TCERG1L: variants seen among roughly 807,000 people sequenced by gnomAD.
TCERG1L encodes transcription elongation regulator 1-like protein.
Under a neutral mutation model 56.3 loss-of-function variants are expected in TCERG1L, and 37 were observed. The ratio of observed to expected loss-of-function variants is 0.66; its 90% CI spans 0.51 to 0.87. The LOEUF (loss-of-function observed/expected upper bound fraction) is 0.87. TCERG1L is among the 40% of genes least tolerant of loss of function. The probability of loss-of-function intolerance (pLI) is 0.00; values close to 1 mark genes in which losing one functional copy is unlikely to be tolerated. For missense variants in TCERG1L, 799 were observed against 774.2 expected (o/e 1.03, Z -0.38); for synonymous variants, 324 against 326.3 (o/e 0.99, Z 0.08).
chr10:131,290,544 T>C (rs1283724326), intron 3 of TCERG1L, among the ~76,000 whole-genome samples: 1 of 150,002 alleles, frequency 6.7e-6, no homozygotes, highest in Non-Finnish European at 1.5e-5. Context: ...GACAGGAGAA[T>C]TGCTTGAACC....
intron 11 of TCERG1L, chr10:131,095,170 T>TAACCCCACCGGGTGTC (rs1845228582): frequency 6.7e-6 from 1 of 149,608 alleles, no homozygotes; most frequent in Non-Finnish European, 1.5e-5. Context: ...ACTGGGCGGC[T>TAACCCCACCGGGTGTC]AACCCCACCG....
At chr10:131,102,257 T>C (rs1422922752) in intron 10 of TCERG1L, among the ~76,000 whole-genome samples, 2 of 152,208 alleles carry the variant, frequency 1.3e-5, no homozygotes, top group Admixed American at 6.5e-5. Flanking sequence ...AAGTTCTGTA[T>C]TCCAAGGCAG....
chr10:131,124,165 C>T (rs888573041), intron 8 of TCERG1L, among the ~76,000 whole-genome samples: 2 of 152,188 alleles, frequency 1.3e-5, no homozygotes, highest in Admixed American at 6.5e-5. Context: ...CAGGGTTGGA[C>T]CATCCCAGAG....
intron 4 of TCERG1L, among the ~76,000 whole-genome samples, chr10:131,179,028 T>A (rs1021603994): frequency 4.6e-5 from 7 of 152,084 alleles, no homozygotes; most frequent in African/African-American, 1.7e-4. Context: ...CAGCCCAGCC[T>A]CCAGCCCCTC....
At chr10:131,255,365 A>T (rs535189183) in intron 4 of TCERG1L, among the ~76,000 whole-genome samples, 2 of 152,380 alleles carry the variant, frequency 1.3e-5, no homozygotes, top group Admixed American at 1.3e-4. Flanking sequence ...ATGTGAAATT[A>T]ACAAAAACTA....
chr10:131,297,112 G>A (rs1048870291), intron 3 of TCERG1L, among the ~76,000 whole-genome samples: 9 of 151,994 alleles, frequency 5.9e-5, no homozygotes, highest in African/African-American at 1.2e-4. Context: ...TAGGGCTCCC[G>A]TCACAAATCC....
Position 131,311,504 on chromosome 10 carries a change from C to G in TCERG1L, c.132G>C (p.Pro44=). 8.3e-7 allele frequency: 1 copy of G among 1,206,266 alleles called. No homozygotes were observed. Among genetic ancestry groups the G allele is most frequent in the Non-Finnish European group, 1.0e-6 (1 of 968,130 alleles). 74.7% of individuals were successfully genotyped at this position (1,206,266 alleles called of 1,614,324 possible). The change falls in exon 1 of 12, where the codon CCG becomes CCC. Residue 44 remains proline (P), a synonymous_variant. Transcript: ENST00000368642. The surrounding 1 kb of genome is among the most constrained non-coding windows in gnomAD (Gnocchi z 4.0). ...PPPPPWVWMV[P]GSAGLLRLSA... Reference sequence around the variant, plus strand: ...TGAGCCGGAGCAGCCCGGCCGAGCCCGGCACCATCCAGACCCAGGGCGGCG... The same window carrying G: ...TGAGCCGGAGCAGCCCGGCCGAGCCGGGCACCATCCAGACCCAGGGCGGCG...
At chr10:131,230,828 G>C (rs1845842047) in intron 4 of TCERG1L, among the ~76,000 whole-genome samples, 1 of 152,238 alleles carries the variant, frequency 6.6e-6, no homozygotes, top group Admixed American at 6.5e-5. Context: ...ACTGGCTCCA[G>C]GCAGGCGGCT....
intron 9 of TCERG1L, among the ~76,000 whole-genome samples, chr10:131,105,995 C>T (rs1374377750): frequency 6.6e-6 from 1 of 152,204 alleles, no homozygotes; most frequent in Non-Finnish European, 1.5e-5. Context: ...GCATGTCCCA[C>T]CTTTGCCCTT....
intron 4 of TCERG1L, among the ~76,000 whole-genome samples, chr10:131,254,982 A>G (rs996922402): frequency 1.9e-4 from 29 of 152,074 alleles, no homozygotes; most frequent in Admixed American, 1.0e-3. Context: ...CTCCAGGAGG[A>G]GGCAGAGGCT....
At chr10:131,279,753 T>C (rs1289829303) in intron 3 of TCERG1L, among the ~76,000 whole-genome samples, 2 of 152,128 alleles carry the variant, frequency 1.3e-5, no homozygotes, top group Admixed American at 6.5e-5. Flanking sequence ...CCTAAACATC[T>C]GTAGGGATGG....
intron 3 of TCERG1L, among the ~76,000 whole-genome samples, chr10:131,278,454 C>T (rs912380524): frequency 6.6e-6 from 1 of 151,602 alleles, no homozygotes; most frequent in African/African-American, 2.4e-5. Flanking sequence ...TCTCCTGCCT[C>T]CGCCTCCCAA....
intron 6 of TCERG1L, among the ~76,000 whole-genome samples, chr10:131,149,108 T>C (rs1845835745): frequency 6.6e-6 from 1 of 152,264 alleles, no homozygotes; most frequent in Admixed American, 6.5e-5. Flanking sequence ...GGTGGCCTCA[T>C]GCCCTCAACC....
rs546150220 is a variant in TCERG1L, at chr10:131,137,327, G to C, written c.1190-2879C>G. On this transcript the variant is annotated intron_variant, in intron 7 of 11. Coordinates refer to ENST00000368642, the MANE Select transcript of TCERG1L (RefSeq NM_174937.4). Reference sequence around the variant, plus strand: ...TGTGCCCTCCCGGTTTTCCCTCCCTGGTGCCCTGGCTTCTCCCTGGTCCCT... The same window carrying C: ...TGTGCCCTCCCGGTTTTCCCTCCCTCGTGCCCTGGCTTCTCCCTGGTCCCT... Among the ~76,000 whole-genome samples the C allele has an allele frequency of 7.2e-5, 11 of 152,308 alleles. No homozygotes were observed. The East Asian group carries it at 1.2e-3, about 16-fold the overall frequency.
At chr10:131,231,477 CCCCTGCAGCTGCCGTGGCACT>C (rs1845851369) in intron 4 of TCERG1L, among the ~76,000 whole-genome samples, 1 of 152,190 alleles carries the variant, frequency 6.6e-6, no homozygotes, top group African/African-American at 2.4e-5. Flanking sequence ...CGGCTGGCAT[CCCCTGCAGCTGCCGTGGCACT>C]GCCTGCAGAG....
chr10:131,214,662 T>C (rs965545348), intron 4 of TCERG1L, among the ~76,000 whole-genome samples: 1 of 152,140 alleles, frequency 6.6e-6, no homozygotes, highest in African/African-American at 2.4e-5. Context: ...ATACAGGGAT[T>C]TCCAGCGTTT....
rs185493238 is a variant in TCERG1L, at chr10:131,281,678, C to T, written c.671-21234G>A. ...AACCTCCACAGTCCCCCTGGCTACT[C>T]TCCCGACGCTCCGTCCTAAAGTCCC... On this transcript the variant is annotated intron_variant, in intron 3 of 11. Coordinates refer to ENST00000368642, the MANE Select transcript of TCERG1L (RefSeq NM_174937.4). Among the ~76,000 whole-genome samples, 188 of 152,160 alleles carry T rather than the reference C, an allele frequency of 1.2e-3. 1 individual carries two copies. The highest frequency in any genetic ancestry group is 2.3e-3 in the Non-Finnish European group (157 of 68,008).
intron 7 of TCERG1L, among the ~76,000 whole-genome samples, chr10:131,145,280 G>A (rs1315615585): frequency 1.3e-5 from 2 of 152,160 alleles, no homozygotes; most frequent in Non-Finnish European, 2.9e-5. Flanking sequence ...TTCCTGTCAT[G>A]ATTTTAAAGC....
intron 4 of TCERG1L, among the ~76,000 whole-genome samples, chr10:131,242,345 A>C (rs528620571): frequency 6.6e-6 from 1 of 152,176 alleles, no homozygotes; most frequent in Non-Finnish European, 1.5e-5. Flanking sequence ...AGAATGTGAA[A>C]AACATCTTGG....
Sources: gnomAD v4.1 joint callset for allele counts (sites outside exome capture counted in the v4.1 genomes callset) on GRCh38, gnomAD v4.1.1 for gene constraint, Gnocchi (gnomAD v3.1) non-coding constraint, MANE v1.5 for transcripts, NCBI Gene and HGNC (gene_info 2026-07-23, HGNC 2026-07-21) for gene names.